The following POU2F2 variants were observed in gnomAD, a reference collection of about 807,000 sequenced individuals.
POU2F2 encodes the protein POU class 2 homeobox 2.
A neutral mutation model predicts 63.5 loss-of-function variants in POU2F2; 14 were observed. The observed-to-expected ratio is 0.22, with a 90% confidence interval of 0.15 to 0.34. The LOEUF (loss-of-function observed/expected upper bound fraction) is 0.34. Among genes scored for constraint, POU2F2 ranks in the 10% least tolerant of loss-of-function variants. The pLI is 1.00. For missense variants in POU2F2, 607 were observed against 815.2 expected (o/e 0.74, Z 3.11); for synonymous variants, 306 against 348.6 (o/e 0.88, Z 1.36).
upstream of POU2F2, among the ~76,000 whole-genome samples, chr19:42,177,556 G>A (rs1299259061): frequency 1.3e-5 from 2 of 151,840 alleles, no homozygotes; most frequent in African/African-American, 4.8e-5. Flanking sequence ...TGCAGAAACA[G>A]AGACACAGAG....
chr19:42,145,511 G>A (rs1323412837), intron 2 of POU2F2, among the ~76,000 whole-genome samples: 2 of 152,228 alleles, frequency 1.3e-5, no homozygotes, highest in Non-Finnish European at 2.9e-5. Context: ...TGTCATCGTT[G>A]AAGCAAACTC....
Position 42,091,912 on chromosome 19 carries a change from G to GC in POU2F2, c.1494dup (p.Leu499AlafsTer29). ...TTGTTGCTCATGAGGGCTGGACTCAGCCCGGAGCTCAACCCCACCATTGTG... is the reference window on the plus strand; with the variant it reads ...TTGTTGCTCATGAGGGCTGGACTCAGCCCCGGAGCTCAACCCCACCATTGTG... On this transcript the variant is annotated frameshift_variant, in exon 14 of 15. Transcript: ENST00000692977. LOFTEE classifies it high-confidence loss of function. 6.5e-7 allele frequency: 1 copy of GC among 1,540,726 alleles called. No individual in the cohort carries two copies. Among genetic ancestry groups the GC allele is most frequent in the South Asian group, 1.2e-5 (1 of 84,030 alleles).
intron 2 of POU2F2, among the ~76,000 whole-genome samples, chr19:42,142,621 A>G (rs1389283053): frequency 6.6e-6 from 1 of 152,008 alleles, no homozygotes; most frequent in African/African-American, 2.4e-5. Context: ...GCTGGAGTAC[A>G]GTGGTGCAAT....
chr19:42,106,015 C>CTTTCTT (rs749286387), intron 5 of POU2F2, among the ~76,000 whole-genome samples: 2 of 141,094 alleles, frequency 1.4e-5, no homozygotes, highest in East Asian at 2.0e-4. Context: ...TTCTTTCTTT[C>CTTTCTT]TTTCTTTCTT....
At chr19:42,194,758 CAAAAAAAAAAAAAA>C (rs71167389) in intron 1 of POU2F2, among the ~76,000 whole-genome samples, 1 of 21,740 alleles carries the variant, frequency 4.6e-5, no homozygotes, top group Non-Finnish European at 7.3e-5. Flanking sequence ...GACTCTGTCT[CAAAAAAAAAAAAAA>C]AAAAAAAAAA....
intron 1 of POU2F2, among the ~76,000 whole-genome samples, chr19:42,188,931 G>GGAAGGAAGGAAA (rs1384716243): frequency 6.7e-6 from 1 of 150,176 alleles, no homozygotes. Context: ...AAGGAAGGAA[G>GGAAGGAAGGAAA]GAAGGAAGGA....
At chr19:42,187,229 C>T (rs953636087) in intron 1 of POU2F2, among the ~76,000 whole-genome samples, 5 of 151,996 alleles carry the variant, frequency 3.3e-5, no homozygotes, top group South Asian at 2.1e-4. Flanking sequence ...TTTGGGAGGC[C>T]GAGGCGGGCG....
intron 2 of POU2F2, among the ~76,000 whole-genome samples, chr19:42,148,478 C>G (rs963367172): frequency 6.6e-6 from 1 of 152,140 alleles, no homozygotes; most frequent in African/African-American, 2.4e-5. Context: ...CACTCCCCTC[C>G]GCAAACCAGG....
intron 1 of POU2F2, among the ~76,000 whole-genome samples, chr19:42,172,093 A>G (rs912000438): frequency 6.6e-6 from 1 of 152,068 alleles, no homozygotes; most frequent in African/African-American, 2.4e-5. Context: ...TACACCTCCA[A>G]CCTGGGCTGC....
intron 2 of POU2F2, among the ~76,000 whole-genome samples, chr19:42,149,086 G>C (rs1001990615): frequency 2.0e-5 from 3 of 152,118 alleles, no homozygotes; most frequent in African/African-American, 7.2e-5. Flanking sequence ...TCCCTCCCTA[G>C]GAGACAGAGG....
At chr19:42,166,491 C>T (rs1280174486) in intron 1 of POU2F2, among the ~76,000 whole-genome samples, 1 of 152,158 alleles carries the variant, frequency 6.6e-6, no homozygotes, top group African/African-American at 2.4e-5. Context: ...AACAAGGAAA[C>T]TCGAGGCTTA....
Position 42,096,000 on chromosome 19 carries a change from C to T in POU2F2, c.730-71G>A. ...TCCGGCACTGGGCCCGCTCCGCCCG[C>T]CCACTGGCCACGCCCCTCGCGGCAT... On this transcript the variant is annotated intron_variant, in intron 8 of 14. Coordinates refer to ENST00000692977, the MANE Select transcript of POU2F2 (RefSeq NM_001394376.1). The surrounding 1 kb of genome is among the most constrained non-coding windows in gnomAD (Gnocchi z 7.1). The T allele has an allele frequency of 6.3e-7, 1 of 1,599,424 alleles. No individual in the cohort carries two copies. The highest frequency in any genetic ancestry group is 8.5e-7 in the Non-Finnish European group (1 of 1,173,806).
rs180682053 is a variant in POU2F2, at chr19:42,100,178, G to T, written c.370-357C>A. On this transcript the variant is annotated intron_variant, in intron 5 of 14. Coordinates refer to ENST00000692977, the MANE Select transcript of POU2F2 (RefSeq NM_001394376.1). ...GTGATCTCGGCTCACTGAAATCTCC[G>T]CCTCCTGGGTTCACGCCATTCTCCT... 6.9e-4 allele frequency among the ~76,000 whole-genome samples: 83 copies of T among 119,888 alleles called. 1 individual carries two copies. The East Asian group carries it at 0.021, about 30-fold the overall frequency. 78.7% of individuals were successfully genotyped at this position (119,888 alleles called of 152,430 possible).
At chr19:42,139,039 G>A (rs150230142) in intron 2 of POU2F2, among the ~76,000 whole-genome samples, 3 of 152,280 alleles carry the variant, frequency 2.0e-5, no homozygotes, top group South Asian at 2.1e-4. Context: ...CTAACTGGCC[G>A]GGTGTGGTGG....
chr19:42,149,769 C>G (rs548847471), intron 2 of POU2F2, among the ~76,000 whole-genome samples: 67 of 152,280 alleles, frequency 4.4e-4, no homozygotes, highest in African/African-American at 1.6e-3. Flanking sequence ...TAAATTGCTT[C>G]CCAACACCCT....
upstream of POU2F2, among the ~76,000 whole-genome samples, chr19:42,180,006 T>C (rs1303630356): frequency 6.6e-6 from 1 of 151,662 alleles, no homozygotes; most frequent in African/African-American, 2.4e-5. Flanking sequence ...AGCAGACTCC[T>C]GGGATCCACA....
Position 42,122,125 on chromosome 19 carries a change from C to T in POU2F2, c.186+1G>A. ...CCCTGGCTGTTCTGACAGGTGCTTA[C>T]CTTTGTACTGGGGCCAGTTGGGGAC... On this transcript the variant is annotated splice_donor_variant, in intron 4 of 14. Coordinates refer to ENST00000692977, the MANE Select transcript of POU2F2 (RefSeq NM_001394376.1). LOFTEE classifies it high-confidence loss of function. 2 of 1,612,614 alleles carry T rather than the reference C, an allele frequency of 1.2e-6. No individual in the cohort carries two copies. Among genetic ancestry groups the T allele is most frequent in the Non-Finnish European group, 1.7e-6 (2 of 1,178,672 alleles).
chr19:42,188,770 A>C, intron 1 of POU2F2, among the ~76,000 whole-genome samples: 1 of 114,814 alleles, frequency 8.7e-6, no homozygotes, highest in South Asian at 3.4e-4. Flanking sequence ...GAAGGAAGGG[A>C]GGGAGGGAGG....
At chr19:42,126,132 A>G (rs1376641576) in intron 1 of POU2F2, among the ~76,000 whole-genome samples, 1 of 152,136 alleles carries the variant, frequency 6.6e-6, no homozygotes, top group Non-Finnish European at 1.5e-5. Flanking sequence ...GGACCTTACT[A>G]CAATCTGACT....
Sources: allele counts gnomAD v4.1 joint callset (sites outside exome capture counted in the v4.1 genomes callset), GRCh38; gene constraint gnomAD v4.1.1; non-coding constraint Gnocchi (gnomAD v3.1); transcripts MANE v1.5; gene names NCBI Gene and HGNC (gene_info 2026-07-23, HGNC 2026-07-21).